Variants in RAD51B observed in about 807,000 individuals in gnomAD.
The protein encoded by RAD51B is RAD51 paralog B.
In RAD51B, 38 loss-of-function variants were observed where a neutral mutation model predicts 42.2. That is an observed-to-expected ratio of 0.90 (90% CI 0.70 to 1.18). The LOEUF (loss-of-function observed/expected upper bound fraction) is 1.18, where lower values mean the gene tolerates loss of function less well. RAD51B is among the 50% of genes most tolerant of loss of function. RAD51B has a pLI of 0.00. For synonymous variants in RAD51B, 154 were observed against 145.2 expected, an observed-to-expected ratio of 1.06 and a Z score of -0.43; for missense variants, 373 against 400.7, an observed-to-expected ratio of 0.93 and a Z score of 0.59.
chr14:68,662,251 G>C (rs546650221), intron 11 of RAD51B, among the ~76,000 whole-genome samples: 29 of 152,370 alleles, frequency 1.9e-4, no homozygotes, highest in Non-Finnish European at 5.9e-5. Context: ...ACACCCCTGA[G>C]TCTTTCACAC....
At chr14:68,258,014 T>A (rs78716385) in intron 7 of RAD51B, among the ~76,000 whole-genome samples, 4,533 of 152,322 alleles carry the variant, frequency 0.03, 218 homozygotes, top group African/African-American at 0.097. Context: ...ATAGTTTTTT[T>A]AATTTGAATA....
At chr14:68,632,164 C>A (rs1892242728) in intron 10 of RAD51B, among the ~76,000 whole-genome samples, 1 of 152,158 alleles carries the variant, frequency 6.6e-6, no homozygotes, top group Non-Finnish European at 1.5e-5. Flanking sequence ...ATTCCGCTTT[C>A]TTTGCCTCCG....
chr14:68,286,693 T>C (rs1566785777), intron 7 of RAD51B, among the ~76,000 whole-genome samples: 1 of 152,210 alleles, frequency 6.6e-6, no homozygotes, highest in African/African-American at 2.4e-5. Flanking sequence ...ACCTTCAATG[T>C]AGAGTAAGTT....
intron 7 of RAD51B, among the ~76,000 whole-genome samples, chr14:67,933,563 T>C (rs1595129430): frequency 6.6e-6 from 1 of 152,266 alleles, no homozygotes; most frequent in South Asian, 2.1e-4. Context: ...ATTGCTGCAG[T>C]CCACAGTGGG....
At chr14:68,033,694 A>G (rs752939585) in intron 7 of RAD51B, among the ~76,000 whole-genome samples, 2 of 152,164 alleles carry the variant, frequency 1.3e-5, no homozygotes, top group Non-Finnish European at 2.9e-5. Context: ...TGTTTTGACC[A>G]CTTCACAGCC....
chr14:68,612,028 T>C (rs1555431774), downstream of RAD51B, among the ~76,000 whole-genome samples: 1 of 152,238 alleles, frequency 6.6e-6, no homozygotes, highest in Non-Finnish European at 1.5e-5. Context: ...TGAGCTGGTA[T>C]AGATTGCATT....
intron 10 of RAD51B, among the ~76,000 whole-genome samples, chr14:68,521,095 C>T (rs781214435): frequency 6.6e-6 from 1 of 152,116 alleles, no homozygotes; most frequent in Non-Finnish European, 1.5e-5. Flanking sequence ...GTGACTCAAG[C>T]CCGCACCTGG....
At chr14:68,603,148 TC>T (rs1891293115) in intron 10 of RAD51B, among the ~76,000 whole-genome samples, 1 of 152,106 alleles carries the variant, frequency 6.6e-6, no homozygotes, top group Non-Finnish European at 1.5e-5. Flanking sequence ...ACATCTCTAA[TC>T]CCCCATAGTA....
At chr14:68,203,197 T>C (rs2079524444) in intron 7 of RAD51B, among the ~76,000 whole-genome samples, 1 of 152,220 alleles carries the variant, frequency 6.6e-6, no homozygotes, top group South Asian at 2.1e-4. Context: ...CTGTGGCAGC[T>C]ATAACCTTAC....
rs1555407995 is a variant in RAD51B, at chr14:68,425,975, T to TCTTTCTTTCTTC, written c.957+14451_957+14452insTCTTTCTTCCTT. Among the ~76,000 whole-genome samples, 386 of 85,960 alleles carry TCTTTCTTTCTTC rather than the reference T, an allele frequency of 4.5e-3. 3 individuals carry two copies. Among genetic ancestry groups the TCTTTCTTTCTTC allele is most frequent in the East Asian group, 0.012 (42 of 3,396 alleles). 56.4% of individuals were successfully genotyped at this position (85,960 alleles called of 152,430 possible). A position where few individuals can be genotyped will look rare whatever the true frequency, so the allele number is the denominator to read the frequency against. ...TTCTTTCTTTCTTTCTTTCTTTCTT[T>TCTTTCTTTCTTC]CTTCCTTCCTTCCTTCCTTCCTTCC... On this transcript the variant is annotated intron_variant, in intron 9 of 10. Transcript: ENST00000471583.
chr14:68,244,491 A>T (rs2080454630), intron 7 of RAD51B, among the ~76,000 whole-genome samples: 1 of 152,196 alleles, frequency 6.6e-6, no homozygotes, highest in South Asian at 2.1e-4. Flanking sequence ...TCTTCTATTG[A>T]TAGGCTGCTT....
intron 7 of RAD51B, among the ~76,000 whole-genome samples, chr14:68,230,288 T>C (rs961545435): frequency 6.6e-6 from 1 of 152,100 alleles, no homozygotes; most frequent in East Asian, 1.9e-4. Context: ...TGTCATAGAA[T>C]TGAAGGAAAA....
At chr14:67,924,451 G>A (rs919155813) in intron 7 of RAD51B, among the ~76,000 whole-genome samples, 7 of 152,246 alleles carry the variant, frequency 4.6e-5, no homozygotes, top group Non-Finnish European at 8.8e-5. Flanking sequence ...AGAGATACCC[G>A]AGACTGGGCA....
At chr14:68,227,931 G>T (rs1046212587) in intron 7 of RAD51B, among the ~76,000 whole-genome samples, 3 of 152,036 alleles carry the variant, frequency 2.0e-5, no homozygotes, top group South Asian at 2.1e-4. Context: ...ATTATTATTA[G>T]TAGTAATAAT....
chr14:68,405,039 G>A (rs1028951118), intron 8 of RAD51B, among the ~76,000 whole-genome samples: 8 of 152,152 alleles, frequency 5.3e-5, no homozygotes, highest in Admixed American at 2.6e-4. Flanking sequence ...GCCTGGTTTC[G>A]AACCCTGGCT....
At chr14:68,564,132 G>A (rs930079429) in intron 10 of RAD51B, among the ~76,000 whole-genome samples, 2 of 152,170 alleles carry the variant, frequency 1.3e-5, no homozygotes, top group Non-Finnish European at 2.9e-5. Context: ...GCGTCTTTTT[G>A]GAAGGCTAGG....
chr14:68,598,165 T>G (rs147370308), downstream of RAD51B, among the ~76,000 whole-genome samples: 8 of 152,330 alleles, frequency 5.3e-5, no homozygotes, highest in African/African-American at 1.9e-4. Context: ...TACCTTTTTA[T>G]TATTGATGAT....
chr14:68,397,216 G>A (rs543712723), intron 8 of RAD51B, among the ~76,000 whole-genome samples: 1 of 152,338 alleles, frequency 6.6e-6, no homozygotes, highest in Admixed American at 6.5e-5. Flanking sequence ...GCGGATGCTG[G>A]TCATTTGCAG....
chr14:68,578,794 G>C (rs919873461), intron 10 of RAD51B, among the ~76,000 whole-genome samples: 21 of 152,368 alleles, frequency 1.4e-4, no homozygotes, highest in Admixed American at 1.0e-3. Context: ...GGCAGACAGA[G>C]AGGTGACAAG....
Sources: gnomAD v4.1 joint callset for allele counts (sites outside exome capture counted in the v4.1 genomes callset) on GRCh38, gnomAD v4.1.1 for gene constraint, MANE v1.5 for transcripts, NCBI Gene and HGNC (gene_info 2026-07-23, HGNC 2026-07-21) for gene names.